Variants in IQGAP1 observed in about 807,000 individuals in gnomAD.
IQGAP1 encodes the protein IQ motif containing GTPase activating protein 1, also known as ras GTPase-activating-like protein IQGAP1.
Under a neutral mutation model 215.6 loss-of-function variants are expected in IQGAP1, and 66 were observed. The ratio of observed to expected loss-of-function variants is 0.31; its 90% CI spans 0.25 to 0.38. The LOEUF (loss-of-function observed/expected upper bound fraction) is 0.38. Among genes scored for constraint, IQGAP1 ranks in the 10% least tolerant of loss-of-function variants. IQGAP1 has a pLI of 1.00. For synonymous variants in IQGAP1, 772 were observed against 728.7 expected (o/e 1.06, Z -0.96); for missense variants, 1,712 against 1,997.1 (o/e 0.86, Z 2.72).
intron 2 of IQGAP1, among the ~76,000 whole-genome samples, chr15:90,406,748 A>G (rs958237080): frequency 6.6e-6 from 1 of 152,234 alleles, no homozygotes; most frequent in African/African-American, 2.4e-5. Flanking sequence ...TGTAAGGCAC[A>G]TTTTGCTTTC....
chr15:90,425,966 G>T, intron 2 of IQGAP1, 144 bp from the exon 3 acceptor site: 1 of 677,296 alleles, frequency 1.5e-6, no homozygotes, highest in Non-Finnish European at 2.2e-6. Flanking sequence ...GGCAGGGAAA[G>T]GATGTGTGTG....
intron 1 of IQGAP1, 93 bp downstream of exon 1, chr15:90,388,489 C>A: frequency 1.9e-6 from 2 of 1,044,230 alleles, no homozygotes; most frequent in Non-Finnish European, 2.6e-6. Flanking sequence ...GCGGGTGGGG[C>A]AGGGCGGCTG....
chr15:90,472,930 C>A lies in IQGAP1; in HGVS notation c.2269C>A (p.Arg757Ser), dbSNP rs751869935. The A allele has an allele frequency of 1.9e-6, 3 of 1,613,696 alleles. No individual in the cohort carries two copies. Among genetic ancestry groups the A allele is most frequent in the Admixed American group, 3.3e-5 (2 of 59,950 alleles). ...GATCACCAGGCTGCAGGCTCGCTGC[C>A]GTGGATACTTAGTTCGACAGGAATT... The part of the protein sequence containing the change: ...GLITRLQARC[R>S]GYLVRQEFRS... Residue 757 changes from arginine to serine, a missense_variant, in exon 19 of 38, where the codon CGT (arginine) becomes AGT (serine). Coordinates refer to ENST00000268182, the MANE Select transcript of IQGAP1 (RefSeq NM_003870.4).
At chr15:90,429,195 C>T (rs1303338589) in intron 3 of IQGAP1, among the ~76,000 whole-genome samples, 1 of 152,148 alleles carries the variant, frequency 6.6e-6, no homozygotes, top group Non-Finnish European at 1.5e-5. Context: ...TGTATTCAGA[C>T]ACCATACTAA....
chr15:90,481,538 T>C (rs1966059285), intron 26 of IQGAP1, among the ~76,000 whole-genome samples: 2 of 152,156 alleles, frequency 1.3e-5, no homozygotes, highest in African/African-American at 4.8e-5. Flanking sequence ...TCTCCTTTTT[T>C]CCTGAGTTCA....
chr15:90,486,905 A>G (rs1289070988), intron 31 of IQGAP1, 49 bp from the exon 32 acceptor site: 1 of 1,567,834 alleles, frequency 6.4e-7, no homozygotes, highest in Non-Finnish European at 8.7e-7. Flanking sequence ...TCCCCCCAAT[A>G]TCTCCTCTCT....
rs762048664 is a variant in IQGAP1, at chr15:90,441,564, A to G, written c.708A>G (p.Thr236=). Residue 236 remains threonine, a synonymous_variant, in exon 8 of 38, where the codon ACA becomes ACG. Coordinates refer to ENST00000268182, the MANE Select transcript of IQGAP1 (RefSeq NM_003870.4). Reference sequence around the variant, plus strand: ...TTGACCGTAGAATTCCAGCCGACACATTTGCAGCTTTGAAAAATCCGAATG... The same window carrying G: ...TTGACCGTAGAATTCCAGCCGACACGTTTGCAGCTTTGAAAAATCCGAATG... The part of the protein sequence containing the change: ...EAIDRRIPAD[T]FAALKNPNAM... 2.5e-6 allele frequency: 4 copies of G among 1,613,664 alleles called. No homozygotes were observed. Among genetic ancestry groups the G allele is most frequent in the Non-Finnish European group, 3.4e-6 (4 of 1,179,936 alleles).
intron 35 of IQGAP1, among the ~76,000 whole-genome samples, chr15:90,493,433 A>G (rs1435808451): frequency 6.6e-6 from 1 of 152,160 alleles, no homozygotes; most frequent in African/African-American, 2.4e-5. Flanking sequence ...CCTTCTTGGC[A>G]CTGGCCACAA....
intron 2 of IQGAP1, among the ~76,000 whole-genome samples, chr15:90,394,296 C>T (rs1414821583): frequency 6.6e-6 from 1 of 151,036 alleles, no homozygotes; most frequent in Non-Finnish European, 1.5e-5. Context: ...TTTATGGAGG[C>T]AATCATAAAA....
chr15:90,456,494 A>G (rs1226945166), intron 15 of IQGAP1, among the ~76,000 whole-genome samples, 179 bp downstream of exon 15: 1 of 152,200 alleles, frequency 6.6e-6, no homozygotes, highest in Non-Finnish European at 1.5e-5. Flanking sequence ...CTAGGAGCTC[A>G]TGCTGTTTTA....
rs1596291487 is a variant in IQGAP1, at chr15:90,486,287, CA to C, written c.4024+157del. ...CCTGATAGTTTCATAAGAGAGAAAA[CA>C]ACAACAACAACAAAAGCCCAGATGT... On this transcript the variant is annotated intron_variant, in intron 31 of 37. Coordinates refer to ENST00000268182, the MANE Select transcript of IQGAP1 (RefSeq NM_003870.4). 1.6e-5 allele frequency: 8 copies of C among 511,676 alleles called. No individual in the cohort carries two copies. In the East Asian group the frequency reaches 2.6e-4, roughly 17 times the overall value. The allele number at this position is 511,676 out of a possible 1,614,324, so 31.7% of individuals were successfully genotyped here. A position where few individuals can be genotyped will look rare whatever the true frequency, so the allele number is the denominator to read the frequency against.
intron 4 of IQGAP1, chr15:90,431,300 C>T (rs976970567): frequency 5.9e-5 from 9 of 151,958 alleles, no homozygotes; most frequent in African/African-American, 2.2e-4. Flanking sequence ...TGCAGTACGT[C>T]AAGTTCTTAC....
At chr15:90,428,451 G>A (rs1965257275) in intron 3 of IQGAP1, among the ~76,000 whole-genome samples, 1 of 151,982 alleles carries the variant, frequency 6.6e-6, no homozygotes, top group African/African-American at 2.4e-5. Context: ...TGGGAAGATA[G>A]TGTAAAAGGA....
chr15:90,431,426 CTGTT>C (rs1213580093), intron 4 of IQGAP1, among the ~76,000 whole-genome samples: 1 of 152,114 alleles, frequency 6.6e-6, no homozygotes. Context: ...CTTCCTGTTT[CTGTT>C]TTTTATATAG....
intron 2 of IQGAP1, 49 bp downstream of exon 2, chr15:90,390,922 T>C (rs765331780): frequency 1.8e-6 from 2 of 1,094,614 alleles, no homozygotes; most frequent in African/African-American, 1.5e-5. Context: ...GAACTGATAA[T>C]AGTGTGAATA....
At chr15:90,391,742 A>G (rs1964639176) in intron 2 of IQGAP1, 1 of 151,902 alleles carries the variant, frequency 6.6e-6, no homozygotes, top group African/African-American at 2.4e-5. Context: ...TTAATTTTAG[A>G]GTGTCATTTT....
At chr15:90,399,641 C>T (rs542168645) in intron 2 of IQGAP1, among the ~76,000 whole-genome samples, 1 of 152,160 alleles carries the variant, frequency 6.6e-6, no homozygotes, top group South Asian at 2.1e-4. Flanking sequence ...AAAACCTTGC[C>T]AAAATTTTCA....
At chr15:90,452,734 C>T in intron 11 of IQGAP1, 41 bp from the exon 12 acceptor site, 1 of 1,604,402 alleles carries the variant, frequency 6.2e-7, no homozygotes, top group East Asian at 2.2e-5. Context: ...CCTGAGGGCT[C>T]TCTAAGCCCA....
chr15:90,436,761 T>C (rs1965376151), intron 5 of IQGAP1, among the ~76,000 whole-genome samples: 3 of 152,358 alleles, frequency 2.0e-5, no homozygotes, highest in South Asian at 2.1e-4. Flanking sequence ...TACTTTTGAT[T>C]GTGGGTAAGA....
Sources: gnomAD v4.1 joint callset for allele counts (sites outside exome capture counted in the v4.1 genomes callset) on GRCh38, gnomAD v4.1.1 for gene constraint, MANE v1.5 for transcripts, NCBI Gene and HGNC (gene_info 2026-07-23, HGNC 2026-07-21) for gene names.